Variants in NCOA7 observed in about 807,000 individuals in gnomAD.
The protein encoded by NCOA7 is 140 kDa estrogen receptor-associated protein.
A neutral mutation model predicts 104.3 loss-of-function variants in NCOA7; 45 were observed. The ratio of observed to expected loss-of-function variants is 0.43; its 90% CI spans 0.34 to 0.55. The LOEUF (loss-of-function observed/expected upper bound fraction) is 0.55, where lower values mean the gene tolerates loss of function less well. Ranked by LOEUF, NCOA7 falls within the 20% of genes least tolerant of loss-of-function variation. NCOA7 has a pLI of 0.02. For synonymous variants in NCOA7, 398 were observed against 402.3 expected (o/e 0.99, Z 0.13); for missense variants, 1,041 against 1,119.7 (o/e 0.93, Z 1.00).
chr6:125,830,266 A>T (rs934142680), intron 2 of NCOA7, among the ~76,000 whole-genome samples: 1 of 152,228 alleles, frequency 6.6e-6, no homozygotes, highest in Non-Finnish European at 1.5e-5. Flanking sequence ...AACCTTTTCC[A>T]GGATGAGTAT....
intron 3 of NCOA7, among the ~76,000 whole-genome samples, chr6:125,862,037 C>CAAAA (rs56389001): frequency 3.1e-5 from 2 of 63,776 alleles, no homozygotes; most frequent in Non-Finnish European, 5.2e-5. Context: ...AACTCTTTCT[C>CAAAA]AAAAAAAAAA....
intron 1 of NCOA7, among the ~76,000 whole-genome samples, chr6:125,785,300 T>C (rs1379402181): frequency 6.6e-6 from 1 of 152,142 alleles, no homozygotes; most frequent in Non-Finnish European, 1.5e-5. Context: ...ACGGTGCCAC[T>C]GCGCTCCAGC....
intron 3 of NCOA7, among the ~76,000 whole-genome samples, chr6:125,866,851 C>T (rs1012648825): frequency 7.9e-5 from 12 of 152,072 alleles, no homozygotes; most frequent in African/African-American, 2.9e-4. Context: ...ACCCTCACTT[C>T]TCTTTGAAAA....
In NCOA7 at chr6:125,863,013, A is replaced by G. The variant is rs751849546; in HGVS notation, c.271+7773A>G. On this transcript the variant is annotated intron_variant, in intron 3 of 15. Transcript: ENST00000392477. ...TCGTCTCAAAAAAACAAAAAAACAA[A>G]CAAAAAACCCTACTTTACTTAAAAA... Among the ~76,000 whole-genome samples, 2 of 139,322 alleles carry G rather than the reference A, an allele frequency of 1.4e-5. 1 individual carries two copies. Among genetic ancestry groups the G allele is most frequent in the Non-Finnish European group, 3.1e-5 (2 of 65,120 alleles). 91.4% of individuals were successfully genotyped at this position (139,322 alleles called of 152,430 possible).
intron 2 of NCOA7, among the ~76,000 whole-genome samples, chr6:125,852,451 C>T (rs1781207388): frequency 6.6e-6 from 1 of 152,102 alleles, no homozygotes; most frequent in African/African-American, 2.4e-5. Flanking sequence ...GCTTAGGCCT[C>T]CCAAAGTGCT....
intron 2 of NCOA7, among the ~76,000 whole-genome samples, chr6:125,833,859 G>T (rs1203449835): frequency 6.6e-6 from 1 of 152,060 alleles, no homozygotes; most frequent in Non-Finnish European, 1.5e-5. Flanking sequence ...ACTTCTAACT[G>T]CAGAGAAATT....
chr6:125,794,842 A>G (rs1444633475), intron 1 of NCOA7, among the ~76,000 whole-genome samples: 4 of 152,230 alleles, frequency 2.6e-5, no homozygotes, highest in Admixed American at 6.5e-5. Context: ...TAAACGCTAT[A>G]TAGGTTGAAC....
chr6:125,809,381 C>T (rs1357027811), intron 1 of NCOA7, among the ~76,000 whole-genome samples: 1 of 152,050 alleles, frequency 6.6e-6, no homozygotes, highest in Non-Finnish European at 1.5e-5. Flanking sequence ...TGGAGTTTTG[C>T]CATGTTGGAT....
intron 2 of NCOA7, among the ~76,000 whole-genome samples, chr6:125,817,629 C>CT (rs1777715956): frequency 6.6e-6 from 1 of 152,106 alleles, no homozygotes; most frequent in Admixed American, 6.5e-5. Flanking sequence ...TAGGTTTTTA[C>CT]TGTTGAATTG....
rs767709968 is a variant in NCOA7, at chr6:125,855,156, T to C, written c.187T>C (p.Tyr63His). 3.7e-6 allele frequency: 6 copies of C among 1,613,058 alleles called. 1 individual carries two copies. The South Asian group carries it at 6.6e-5, about 18-fold the overall frequency. ...GTGCAACATTGCTGTGGAAGAGGAATATATGACTGATGAGAAAAAAAAGAG... is the reference window on the plus strand; with the variant it reads ...GTGCAACATTGCTGTGGAAGAGGAACATATGACTGATGAGAAAAAAAAGAG... The part of the protein sequence containing the change: ...DKCNIAVEEE[Y>H]MTDEKKKRKS... The change falls in exon 3 of 16, where the codon TAT (tyrosine) becomes CAT (histidine). Residue 63 changes from tyrosine to histidine, a missense_variant. By Grantham distance (83) the Tyr-to-His change is moderately conservative. Transcript: ENST00000392477.
intron 13 of NCOA7, among the ~76,000 whole-genome samples, chr6:125,925,317 C>A (rs1787929544): frequency 6.6e-6 from 1 of 152,202 alleles, no homozygotes; most frequent in East Asian, 1.9e-4. Flanking sequence ...ATGAAGGCAA[C>A]AAATTAAACT....
At chr6:125,810,365 C>T (rs750886267) in intron 1 of NCOA7, 3 of 152,114 alleles carry the variant, frequency 2.0e-5, no homozygotes, top group Non-Finnish European at 2.9e-5. Flanking sequence ...TTTTTATGTG[C>T]TATTTTTATT....
chr6:125,827,600 CAT>C (rs1319033351), intron 2 of NCOA7, among the ~76,000 whole-genome samples: 2 of 152,232 alleles, frequency 1.3e-5, no homozygotes, highest in South Asian at 4.1e-4. Context: ...ATTTAATACT[CAT>C]GTGTTAATGA....
chr6:125,796,998 A>G (rs1052696762), intron 1 of NCOA7, among the ~76,000 whole-genome samples: 1 of 152,174 alleles, frequency 6.6e-6, no homozygotes, highest in African/African-American at 2.4e-5. Flanking sequence ...TTACTTTACT[A>G]ATTCTCAAAC....
intron 3 of NCOA7, among the ~76,000 whole-genome samples, chr6:125,857,159 A>T (rs906205383): frequency 6.6e-6 from 1 of 152,172 alleles, no homozygotes; most frequent in African/African-American, 2.4e-5. Context: ...CTATTAATAA[A>T]CTTCCTTTTA....
At chr6:125,851,296 A>T (rs1222197932) in intron 2 of NCOA7, among the ~76,000 whole-genome samples, 6 of 152,086 alleles carry the variant, frequency 3.9e-5, no homozygotes, top group Admixed American at 1.3e-4. Context: ...ATCATACTAT[A>T]TGTTTTTGCA....
chr6:125,912,929 A>C (rs1022845429), intron 10 of NCOA7, among the ~76,000 whole-genome samples: 2 of 152,238 alleles, frequency 1.3e-5, no homozygotes, highest in Non-Finnish European at 2.9e-5. Flanking sequence ...GAAACTTCTT[A>C]TTATATGCCT....
chr6:125,824,187 G>A (rs1778450143), intron 2 of NCOA7, among the ~76,000 whole-genome samples: 1 of 152,046 alleles, frequency 6.6e-6, no homozygotes, highest in African/African-American at 2.4e-5. Context: ...CAGTTTAATG[G>A]GTTCCTATAA....
At chr6:125,902,381 A>G (rs1291762194) in intron 10 of NCOA7, among the ~76,000 whole-genome samples, 1 of 152,124 alleles carries the variant, frequency 6.6e-6, no homozygotes, top group Non-Finnish European at 1.5e-5. Context: ...AGGTTAAGGA[A>G]CTTTCCCAAA....
Sources: allele counts gnomAD v4.1 joint callset (sites outside exome capture counted in the v4.1 genomes callset), GRCh38; gene constraint gnomAD v4.1.1; transcripts MANE v1.5; gene names NCBI Gene and HGNC (gene_info 2026-07-23, HGNC 2026-07-21).